Variants in CRK observed in about 807,000 individuals in gnomAD.
The protein encoded by CRK is adapter molecule crk.
CRK carries 4 observed loss-of-function variants against 29.8 expected under a neutral mutation model. The observed-to-expected ratio is 0.13, with a 90% CI of 0.07 to 0.31. CRK has a LOEUF of 0.31. CRK is among the 10% of genes least tolerant of loss of function. CRK has a pLI of 1.00. For synonymous variants in CRK, 153 were observed against 164.9 expected, an observed-to-expected ratio of 0.93 and a Z score of 0.55; for missense variants, 274 against 396.5, an observed-to-expected ratio of 0.69 and a Z score of 2.62.
Position 1,426,680 on chromosome 17 carries a change from T to C in CRK, c.778-3030A>G, listed in dbSNP as rs192825224. On this transcript the variant is annotated intron_variant, in intron 2 of 2. Transcript: ENST00000300574. ...GGAGTTCAAGACCAGCCTGGCCAAA[T>C]TGGTGAAACCCCGTCTCTACTAAAA... Among the ~76,000 whole-genome samples the C allele has an allele frequency of 1.2e-3, 188 of 151,872 alleles. 1 individual carries two copies. The highest frequency in any genetic ancestry group is 4.0e-3 in the African/African-American group (164 of 41,450).
chr17:1,449,808 C>A (rs1345270159), intron 1 of CRK, among the ~76,000 whole-genome samples: 2 of 152,184 alleles, frequency 1.3e-5, no homozygotes, highest in Non-Finnish European at 2.9e-5. Context: ...TATGGCACCA[C>A]AGGAAGCCTA....
chr17:1,446,545 C>T (rs2150911372), intron 1 of CRK, among the ~76,000 whole-genome samples: 1 of 150,916 alleles, frequency 6.6e-6, no homozygotes, highest in Non-Finnish European at 1.5e-5. Context: ...GTTTAATTCT[C>T]TTCTTGGTCA....
intron 2 of CRK, among the ~76,000 whole-genome samples, chr17:1,430,304 T>C (rs12941318): frequency 0.43 from 65,337 of 150,934 alleles, 14,914 homozygotes; most frequent in South Asian, 0.55. Context: ...CACCTCGACC[T>C]CCCAAAGTGC....
chr17:1,433,509 C>CTT (rs60236552), intron 2 of CRK, among the ~76,000 whole-genome samples: 1,493 of 58,344 alleles, frequency 0.026, 324 homozygotes, highest in African/African-American at 0.048. Context: ...CCACGCCTGG[C>CTT]TTTTTTTTTT....
rs1370026263 is a variant in CRK at position 1,422,965 on chromosome 17, C to T, written c.*548G>A. 5.0e-6 allele frequency: 2 copies of T among 398,930 alleles called. No individual in the cohort carries two copies. The highest frequency in any genetic ancestry group is 8.8e-6 in the Non-Finnish European group (2 of 226,190). 24.7% of individuals were successfully genotyped at this position (398,930 alleles called of 1,614,324 possible). A position where few individuals can be genotyped will look rare whatever the true frequency, so the allele number is the denominator to read the frequency against. The stretch of plus-strand genomic sequence containing the variant: ...AGCATTGACTAGGAGGGAACAAATG[C>T]TTCTAGTAGTGTTCTTAGAATTCTT... On this transcript the variant is annotated 3_prime_UTR_variant, in exon 3 of 3. Transcript: ENST00000300574.
Position 1,456,168 on chromosome 17 carries a change from C to T in CRK, c.-51G>A, listed in dbSNP as rs750275222. 9.3e-6 allele frequency: 13 copies of T among 1,391,968 alleles called. No homozygotes were observed. The African/African-American group carries it at 1.7e-4, about 18-fold the overall frequency. 86.2% of individuals were successfully genotyped at this position (1,391,968 alleles called of 1,614,324 possible). On this transcript the variant is annotated 5_prime_UTR_variant, in exon 1 of 3. Coordinates refer to ENST00000300574, the MANE Select transcript of CRK (RefSeq NM_016823.4). The stretch of plus-strand genomic sequence containing the variant: ...GGTGCCGCCGCCGCGCGCGCCCCTC[C>T]GGCCCCCGGCGCCCGCCGCCCAGCG...
At chr17:1,451,609 C>T (rs920201969) in intron 1 of CRK, among the ~76,000 whole-genome samples, 2 of 152,130 alleles carry the variant, frequency 1.3e-5, no homozygotes, top group Admixed American at 6.6e-5. Flanking sequence ...GTCCCAGCTA[C>T]TCACAGCCTG....
At chr17:1,449,931 G>C (rs1014104265) in intron 1 of CRK, among the ~76,000 whole-genome samples, 7 of 152,172 alleles carry the variant, frequency 4.6e-5, no homozygotes, top group African/African-American at 1.7e-4. Flanking sequence ...GCGCACGGTG[G>C]CTCACGCCTG....
At chr17:1,427,030 C>CAAAAAAAAAAAAAAAAAAA (rs562515421) in intron 2 of CRK, among the ~76,000 whole-genome samples, 3 of 35,304 alleles carry the variant, frequency 8.5e-5, no homozygotes, top group South Asian at 1.7e-3. Flanking sequence ...AAACTGTCTC[C>CAAAAAAAAAAAAAAAAAAA]AAAAAAAAAA....
chr17:1,442,474 C>A (rs1037966837), intron 1 of CRK, among the ~76,000 whole-genome samples: 7 of 151,666 alleles, frequency 4.6e-5, no homozygotes, highest in African/African-American at 1.7e-4. Flanking sequence ...GAGCCAGTGC[C>A]GTACTGAGAT....
intron 1 of CRK, among the ~76,000 whole-genome samples, chr17:1,449,175 T>C (rs1166251361): frequency 6.6e-6 from 1 of 152,044 alleles, no homozygotes; most frequent in Non-Finnish European, 1.5e-5. Flanking sequence ...CTCCACCCAC[T>C]AGCGCAACAG....
In CRK at chr17:1,436,792, C is replaced by G; in HGVS notation, c.605G>C (p.Gly202Ala). The G allele has an allele frequency of 6.3e-7, 1 of 1,580,976 alleles. No individual in the cohort carries two copies. The highest frequency in any genetic ancestry group is 1.8e-5 in the Admixed American group (1 of 54,794). ...TGGGTGGGAACCCTCCTGGTTACCTCCAATCAGAGCCGATACTGAGGCGGA... is the reference window on the plus strand; with the variant it reads ...TGGGTGGGAACCCTCCTGGTTACCTGCAATCAGAGCCGATACTGAGGCGGA... The part of the protein sequence containing the change: ...PASASVSALI[G>A]GNQEGSHPQP... Residue 202 changes from glycine to alanine, a missense_variant, in exon 2 of 3, where the codon GGA becomes GCA. Gly to Ala is a moderately conservative substitution (Grantham distance 60). Around this residue, in one of 3 missense-constraint regions of CRK, gnomAD observed 121 missense variants for 154.3 expected, o/e 0.78. Transcript: ENST00000300574.
At chr17:1,447,608 T>G (rs1052979127) in intron 1 of CRK, among the ~76,000 whole-genome samples, 4 of 15,120 alleles carry the variant, frequency 2.6e-4, no homozygotes, top group African/African-American at 5.2e-4. Flanking sequence ...TCTCTTTTCC[T>G]TTTTTTTTTT....
Position 1,428,152 on chromosome 17 carries a change from CTT to C in CRK, c.778-4504_778-4503del, listed in dbSNP as rs1453725223. 4.2e-4 allele frequency among the ~76,000 whole-genome samples: 57 copies of C among 136,188 alleles called. 1 individual carries two copies. The highest frequency in any genetic ancestry group is 1.4e-3 in the Admixed American group (18 of 13,284). The allele number at this position is 136,188 out of a possible 152,430, so 89.3% of individuals were successfully genotyped here. A position where few individuals can be genotyped will look rare whatever the true frequency, so the allele number is the denominator to read the frequency against. Reference sequence around the variant, plus strand: ...TTTTTTTTTTAATGGAGTTTTTGCTCTTGTCACCCAGGCTGGAGTGCAGTGGT... The same window carrying C: ...TTTTTTTTTTAATGGAGTTTTTGCTCGTCACCCAGGCTGGAGTGCAGTGGT... On this transcript the variant is annotated intron_variant, in intron 2 of 2. Transcript: ENST00000300574.
At chr17:1,450,957 C>T (rs2074012694) in intron 1 of CRK, among the ~76,000 whole-genome samples, 1 of 151,922 alleles carries the variant, frequency 6.6e-6, no homozygotes, top group Non-Finnish European at 1.5e-5. Context: ...CTTTAGGAGG[C>T]CGAGGCAGGC....
Position 1,437,165 on chromosome 17 carries a change from A to G in CRK, c.242-10T>C. On this transcript the variant is annotated splice_polypyrimidine_tract_variant and intron_variant, in intron 1 of 2. Transcript: ENST00000300574. ...CTGGAGGGGCTCACCCCTGGAAAAA[A>G]CAGAGCAGGCTGTTATTTAATGATG... 1 of 1,580,048 alleles carries G rather than the reference A, an allele frequency of 6.3e-7. No homozygotes were observed. The highest frequency in any genetic ancestry group is 1.2e-5 in the South Asian group (1 of 86,112).
At chr17:1,423,910 T>C (rs1318602158) in intron 2 of CRK, among the ~76,000 whole-genome samples, 1 of 152,180 alleles carries the variant, frequency 6.6e-6, no homozygotes, top group African/African-American at 2.4e-5. Flanking sequence ...TACTTTTTGA[T>C]TAAAAAAGGA....
At position 1,456,162 on chromosome 17, in the gene CRK, C is replaced by G. The variant is rs1337243344; in HGVS notation, c.-45G>C. The G allele has an allele frequency of 1.4e-6, 2 of 1,403,198 alleles. No homozygotes were observed. Among genetic ancestry groups the G allele is most frequent in the Admixed American group, 3.9e-5 (1 of 25,750 alleles). 86.9% of individuals were successfully genotyped at this position (1,403,198 alleles called of 1,614,324 possible). A position where few individuals can be genotyped will look rare whatever the true frequency, so the allele number is the denominator to read the frequency against. On this transcript the variant is annotated 5_prime_UTR_variant, in exon 1 of 3. Transcript: ENST00000300574. ...CGCTGGGGTGCCGCCGCCGCGCGCG[C>G]CCCTCCGGCCCCCGGCGCCCGCCGC...
At position 1,453,882 on chromosome 17, in the gene CRK, TG is replaced by T. The variant is rs560718182; in HGVS notation, c.241+1994del. Among the ~76,000 whole-genome samples, 65 of 152,158 alleles carry T rather than the reference TG, an allele frequency of 4.3e-4. 2 individuals carry two copies. In the South Asian group the frequency reaches 0.013, roughly 31 times the overall value. ...GAGATTGCACCATCGCACTCCAGCC[TG>T]GGCAACAAAAGCGAAACTCCGCCTC... On this transcript the variant is annotated intron_variant, in intron 1 of 2. Transcript: ENST00000300574.
Sources: allele counts gnomAD v4.1 joint callset (sites outside exome capture counted in the v4.1 genomes callset), GRCh38; gene constraint gnomAD v4.1.1; regional missense constraint gnomAD v4.1.1; transcripts MANE v1.5; gene names NCBI Gene and HGNC (gene_info 2026-07-23, HGNC 2026-07-21).